The following GPATCH3 variants were observed in gnomAD, a reference collection of about 807,000 sequenced individuals.
GPATCH3 encodes G-patch domain containing 3.
Under a neutral mutation model 53.2 loss-of-function variants are expected in GPATCH3, and 45 were observed. That is an observed-to-expected ratio of 0.85 (90% confidence interval 0.67 to 1.08). The LOEUF is 1.08. Ranked by LOEUF, GPATCH3 falls within the 50% of genes least tolerant of loss-of-function variation. The probability of loss-of-function intolerance (pLI) is 0.00; values close to 1 mark genes in which losing one functional copy is unlikely to be tolerated. For synonymous variants in GPATCH3, 280 were observed against 270.6 expected, an observed-to-expected ratio of 1.03 and a Z score of -0.34; for missense variants, 680 against 687.2, an observed-to-expected ratio of 0.99 and a Z score of 0.12.
rs746742109 is a variant in GPATCH3 at position 26,897,578 on chromosome 1, C to G, written c.599G>C (p.Arg200Pro). ...MPRGNVGTPLRVFLELIRACR... is the reference protein window; with the variant it reads ...MPRGNVGTPLPVFLELIRACR... ...GGCCCGGATCAACTCCAAAAAGACC[C>G]GCAGGGGAGTCCCCACATTCCCTCT... Residue 200 changes from arginine (R) to proline (P), a missense_variant, in exon 2 of 7, where the codon CGG becomes CCG. By Grantham distance (103) the Arg-to-Pro change is moderately radical (BLOSUM62 -2). Transcript: ENST00000361720. 1 of 1,614,078 alleles carries G rather than the reference C, an allele frequency of 6.2e-7. No homozygotes were observed. The highest frequency in any genetic ancestry group is 8.5e-7 in the Non-Finnish European group (1 of 1,180,044).
chr1:26,893,015 A>G, intron 4 of GPATCH3: 1 of 586,090 alleles, frequency 1.7e-6, no homozygotes. Context: ...AATGACAGAG[A>G]GAGGATTAGA....
At chr1:26,892,884 C>G in intron 4 of GPATCH3, 93 bp from the exon 5 acceptor site, 1 of 1,467,988 alleles carries the variant, frequency 6.8e-7, no homozygotes, top group Non-Finnish European at 9.4e-7. Context: ...TTGACTTATT[C>G]ATTTTAATAG....
chr1:26,898,322 T>C (rs2081959763), intron 1 of GPATCH3, among the ~76,000 whole-genome samples: 1 of 152,056 alleles, frequency 6.6e-6, no homozygotes, highest in African/African-American at 2.4e-5. Flanking sequence ...GAACTTTTTT[T>C]TTCTTTTTTT....
Position 26,891,730 on chromosome 1 carries a change from CAG to C in GPATCH3, c.1362-506_1362-505del, listed in dbSNP as rs1406231602. Among the ~76,000 whole-genome samples, 7 of 144,578 alleles carry C rather than the reference CAG, an allele frequency of 4.8e-5. No individual in the cohort carries two copies. The Admixed American group carries it at 4.9e-4, about 10-fold the overall frequency. The allele number at this position is 144,578 out of a possible 152,430, so 94.8% of individuals were successfully genotyped here. A position where few individuals can be genotyped will look rare whatever the true frequency, so the allele number is the denominator to read the frequency against. The stretch of plus-strand genomic sequence containing the variant: ...CCCAGCTAATTTTTTTTTTTTGTGA[CAG>C]AGTCTTGCTCTGTCACCCAGGCTAG... On this transcript the variant is annotated intron_variant, in intron 6 of 6. Transcript: ENST00000361720.
intron 3 of GPATCH3, among the ~76,000 whole-genome samples, chr1:26,893,912 G>C (rs183385874): frequency 3.5e-4 from 54 of 152,154 alleles, no homozygotes; most frequent in Middle Eastern, 3.4e-3. Context: ...GAACTCCTGG[G>C]CTCAAGTGAT....
intron 2 of GPATCH3, among the ~76,000 whole-genome samples, chr1:26,895,565 A>G (rs1570700255): frequency 2.1e-5 from 3 of 141,250 alleles, no homozygotes; most frequent in African/African-American, 2.6e-5. Flanking sequence ...AAGGAAGGGG[A>G]GAGAAGAGGA....
At chr1:26,891,431 T>C (rs191292020) in intron 6 of GPATCH3, among the ~76,000 whole-genome samples, 2 of 151,566 alleles carry the variant, frequency 1.3e-5, no homozygotes, top group Non-Finnish European at 2.9e-5. Context: ...ATTCTGTCAC[T>C]ACAGACTTCC....
chr1:26,890,713 C>A lies in GPATCH3; in HGVS notation c.*297G>T. The A allele has an allele frequency of 1.7e-6, 1 of 574,246 alleles. No homozygotes were observed. The highest frequency in any genetic ancestry group is 1.6e-5 in the South Asian group (1 of 62,360). 35.6% of individuals were successfully genotyped at this position (574,246 alleles called of 1,614,324 possible). On this transcript the variant is annotated 3_prime_UTR_variant, in exon 7 of 7. Transcript: ENST00000361720. ...CCCCAAGGAAGGCTGTGCTGATAGC[C>A]TCACTCAACCCAGCTTTTCAAAGTT...
At chr1:26,893,769 T>A (rs1445536920) in intron 3 of GPATCH3, among the ~76,000 whole-genome samples, 7 of 152,122 alleles carry the variant, frequency 4.6e-5, no homozygotes. Flanking sequence ...TCTGCCCACC[T>A]CAGCCTCCCA....
Position 26,897,644 on chromosome 1 carries a change from A to G in GPATCH3, c.533T>C (p.Leu178Pro). ...TGGGTTCAGCTCCGGCAGTTGCTTC[A>G]GGTCAGCCAGGGTGAAGGCTTCATT... is the stretch of plus-strand genomic sequence containing the variant. ...AENEAFTLAD[L>P]KQLPELNPPV... Residue 178 changes from leucine (L) to proline (P), a missense_variant, in exon 2 of 7, where the codon CTG (leucine) becomes CCG (proline). Transcript: ENST00000361720. 1 of 1,614,156 alleles carries G rather than the reference A, an allele frequency of 6.2e-7. No individual in the cohort carries two copies. Among genetic ancestry groups the G allele is most frequent in the Middle Eastern group, 1.7e-4 (1 of 6,052 alleles).
chr1:26,892,634 A>AGAGG (rs748931386), intron 5 of GPATCH3, 36 bp downstream of exon 5: 12 of 1,610,838 alleles, frequency 7.4e-6, no homozygotes, highest in Admixed American at 6.7e-5. Context: ...GAAGGAAAAG[A>AGAGG]GAGGGGTCCA....
At position 26,893,358 on chromosome 1, in the gene GPATCH3, A is replaced by T. The variant is rs769407605; in HGVS notation, c.1111+31T>A. ...ACTGCAAGGCCAGGGCACCTGTTTC[A>T]CCTCCAGTATTGCCACTCCTTGCCC... On this transcript the variant is annotated intron_variant, in intron 4 of 6. Coordinates refer to ENST00000361720, the MANE Select transcript of GPATCH3 (RefSeq NM_022078.3). The T allele has an allele frequency of 1.4e-5, 22 of 1,562,956 alleles. No individual in the cohort carries two copies. The South Asian group carries it at 2.3e-4, about 17-fold the overall frequency.
chr1:26,899,319 T>C (rs1003207670), intron 1 of GPATCH3, among the ~76,000 whole-genome samples: 19 of 152,186 alleles, frequency 1.2e-4, no homozygotes, highest in Non-Finnish European at 2.5e-4. Context: ...TCCTATCTCA[T>C]AGGACTGTTG....
Position 26,890,749 on chromosome 1 carries a change from C to T in GPATCH3, c.*261G>A. ...CAGCTTTTCAAAGTTCTGCAGGAGG[C>T]AAAGGGCAAGCCCAGAGATTAGGGT... On this transcript the variant is annotated 3_prime_UTR_variant, in exon 7 of 7. Coordinates refer to ENST00000361720, the MANE Select transcript of GPATCH3 (RefSeq NM_022078.3). The T allele has an allele frequency of 1.5e-6, 1 of 683,780 alleles. No individual in the cohort carries two copies. Among genetic ancestry groups the T allele is most frequent in the Non-Finnish European group, 2.8e-6 (1 of 362,072 alleles). 42.4% of individuals were successfully genotyped at this position (683,780 alleles called of 1,614,324 possible). A position where few individuals can be genotyped will look rare whatever the true frequency, so the allele number is the denominator to read the frequency against.
At chr1:26,896,380 C>T (rs1034127260) in intron 2 of GPATCH3, among the ~76,000 whole-genome samples, 7 of 150,664 alleles carry the variant, frequency 4.6e-5, no homozygotes, top group African/African-American at 1.5e-4. Flanking sequence ...CTGTGCCCGG[C>T]TGGAAATAAT....
chr1:26,900,323 G>C lies in GPATCH3; in HGVS notation c.120C>G (p.Arg40=). ...AGTGGAAACAGAGGAAGCCACCGCC[G>C]CGCTCTTCTCGGAACTGGCTAAAAT... ...RSYFSQFREE[R]GGGFLCFHYR... The change falls in exon 1 of 7, where the codon CGC becomes CGG. Residue 40 remains arginine, a synonymous_variant. Coordinates refer to ENST00000361720, the MANE Select transcript of GPATCH3 (RefSeq NM_022078.3). 1 of 1,614,038 alleles carries C rather than the reference G, an allele frequency of 6.2e-7. No individual in the cohort carries two copies. Among genetic ancestry groups the C allele is most frequent in the South Asian group, 1.1e-5 (1 of 91,078 alleles).
chr1:26,897,789 T>C, intron 1 of GPATCH3, 64 bp from the exon 2 acceptor site: 3 of 1,353,318 alleles, frequency 2.2e-6, no homozygotes, highest in Non-Finnish European at 3.0e-6. Flanking sequence ...GAGCCAGAAA[T>C]TGGCCAATGT....
intron 6 of GPATCH3, among the ~76,000 whole-genome samples, chr1:26,891,666 C>A (rs996399249): frequency 8.5e-5 from 13 of 152,094 alleles, no homozygotes; most frequent in Non-Finnish European, 1.0e-4. Flanking sequence ...CCTGCCTCAG[C>A]CTCCAGAGTA....
intron 6 of GPATCH3, among the ~76,000 whole-genome samples, chr1:26,891,960 G>C (rs754236607): frequency 7.9e-5 from 12 of 152,116 alleles, no homozygotes; most frequent in Non-Finnish European, 1.6e-4. Context: ...ACCCGCCTCA[G>C]CCTCCCAAAG....
Sources: gnomAD v4.1 joint callset for allele counts (sites outside exome capture counted in the v4.1 genomes callset) on GRCh38, gnomAD v4.1.1 for gene constraint, MANE v1.5 for transcripts, NCBI Gene and HGNC (gene_info 2026-07-23, HGNC 2026-07-21) for gene names.